The following PPIL1 variants were observed in gnomAD, a reference collection of about 807,000 sequenced individuals.
PPIL1 encodes the protein peptidyl-prolyl cis-trans isomerase-like 1.
A neutral mutation model predicts 19.4 loss-of-function variants in PPIL1; 14 were observed. The observed-to-expected ratio is 0.72, with a 90% CI of 0.48 to 1.13. The LOEUF is 1.13. Among genes scored for constraint, PPIL1 ranks in the 50% most tolerant of loss-of-function variants. The pLI, the probability that PPIL1 is intolerant of heterozygous loss-of-function variation, is 0.00. For synonymous variants in PPIL1, 72 were observed against 73.6 expected (o/e 0.98, Z 0.11); for missense variants, 192 against 218.0 (o/e 0.88, Z 0.75).
At chr6:36,860,943 C>A (rs1774275921) in intron 2 of PPIL1, among the ~76,000 whole-genome samples, 1 of 152,104 alleles carries the variant, frequency 6.6e-6, no homozygotes, top group Admixed American at 6.5e-5. Flanking sequence ...TTGTTCCAGG[C>A]AGGTCTCTGT....
At chr6:36,856,479 T>C in intron 3 of PPIL1, 107 bp downstream of exon 3, 1 of 1,010,932 alleles carries the variant, frequency 9.9e-7, no homozygotes, top group Non-Finnish European at 1.5e-6. Context: ...GCTGGGCAGC[T>C]ATCTGGCACC....
intron 2 of PPIL1, among the ~76,000 whole-genome samples, chr6:36,866,790 G>C (rs780632223): frequency 8.5e-5 from 13 of 152,112 alleles, no homozygotes; most frequent in Non-Finnish European, 1.9e-4. Context: ...TCGAAGTACC[G>C]ACGGAACCCT....
At chr6:36,867,000 A>G (rs1774407770) in intron 2 of PPIL1, among the ~76,000 whole-genome samples, 1 of 152,242 alleles carries the variant, frequency 6.6e-6, no homozygotes, top group South Asian at 2.1e-4. Flanking sequence ...AATGGCTTGC[A>G]AAAAGCATGC....
In PPIL1 at chr6:36,856,771, A is replaced by C. The variant is rs1224689225; in HGVS notation, c.212-117T>G. The stretch of plus-strand genomic sequence containing the variant: ...GTAGAGGAAAGGAAAAGGCAGTGAC[A>C]CCTACCCCACTGCTAGGTATATTGC... On this transcript the variant is annotated intron_variant, in intron 2 of 3. Transcript: ENST00000373699. The C allele has an allele frequency of 6.3e-5, 51 of 804,212 alleles. No homozygotes were observed. In the East Asian group the frequency reaches 1.3e-3, roughly 20 times the overall value. The allele number at this position is 804,212 out of a possible 1,614,324, so 49.8% of individuals were successfully genotyped here.
chr6:36,867,262 C>T (rs1414113292), intron 2 of PPIL1, among the ~76,000 whole-genome samples: 1 of 152,110 alleles, frequency 6.6e-6, no homozygotes, highest in Non-Finnish European at 1.5e-5. Flanking sequence ...TCAGTTATTG[C>T]TATCAGGCAC....
chr6:36,871,936 G>C, intron 1 of PPIL1, 64 bp from the exon 2 acceptor site: 3 of 1,403,712 alleles, frequency 2.1e-6, no homozygotes, highest in Non-Finnish European at 2.8e-6. Context: ...GAGTATTATG[G>C]AACTGCTCCA....
At position 36,863,872 on chromosome 6, in the gene PPIL1, T is replaced by C. The variant is rs150294697; in HGVS notation, c.212-7218A>G. 3.4e-3 allele frequency among the ~76,000 whole-genome samples: 512 copies of C among 151,718 alleles called. 1 individual carries two copies. The highest frequency in any genetic ancestry group is 0.012 in the African/African-American group (476 of 41,338). ...TCCTTTGGCTTCCACGACTCCACAT[T>C]CTCCTGGTGTTCCTCGCTGCTCACT... On this transcript the variant is annotated intron_variant, in intron 2 of 3. Transcript: ENST00000373699.
At chr6:36,866,876 G>C (rs560726845) in intron 2 of PPIL1, among the ~76,000 whole-genome samples, 1 of 152,168 alleles carries the variant, frequency 6.6e-6, no homozygotes, top group African/African-American at 2.4e-5. Context: ...TGACTCCAAT[G>C]GGGATGGCAT....
At chr6:36,874,585 G>C (rs1317491106) in intron 1 of PPIL1, 132 bp downstream of exon 1, 7 of 1,257,362 alleles carry the variant, frequency 5.6e-6, no homozygotes, top group Non-Finnish European at 7.9e-6. Context: ...TCTGGGGGCC[G>C]TCTCGGCCGC....
At chr6:36,861,517 T>C (rs1388629564) in intron 2 of PPIL1, among the ~76,000 whole-genome samples, 1 of 152,138 alleles carries the variant, frequency 6.6e-6, no homozygotes, top group Non-Finnish European at 1.5e-5. Flanking sequence ...TTCAAACCCA[T>C]GTTGGTAAAG....
chr6:36,868,033 G>T lies in PPIL1; in HGVS notation c.211+3685C>A, dbSNP rs148428296. On this transcript the variant is annotated intron_variant, in intron 2 of 3. Coordinates refer to ENST00000373699, the MANE Select transcript of PPIL1 (RefSeq NM_016059.5). The stretch of plus-strand genomic sequence containing the variant: ...CAACCAACAGAAGGACAGAAAGGAG[G>T]AGGGGAGAAAGGAAAAGAAAACCCA... Among the ~76,000 whole-genome samples the T allele has an allele frequency of 8.5e-5, 13 of 152,210 alleles. No homozygotes were observed. In the South Asian group the frequency reaches 2.5e-3, roughly 29 times the overall value.
chr6:36,856,682 T>C (rs1462712217), intron 2 of PPIL1, 28 bp from the exon 3 acceptor site: 1 of 1,600,298 alleles, frequency 6.2e-7, no homozygotes, highest in Non-Finnish European at 8.6e-7. Context: ...GACACATGAA[T>C]CAGCCAGTCA....
intron 1 of PPIL1, among the ~76,000 whole-genome samples, chr6:36,874,327 A>G (rs1237934954): frequency 6.6e-6 from 1 of 152,214 alleles, no homozygotes; most frequent in Non-Finnish European, 1.5e-5. Flanking sequence ...CGTAATGTTT[A>G]CATGTCTGTC....
At chr6:36,873,828 A>C (rs1774573842) in intron 1 of PPIL1, among the ~76,000 whole-genome samples, 1 of 152,196 alleles carries the variant, frequency 6.6e-6, no homozygotes, top group Non-Finnish European at 1.5e-5. Flanking sequence ...TGAGGGGAGA[A>C]TGGCAGGTAG....
At chr6:36,859,811 T>TTGTGTGTGTGTG (rs71880744) in intron 2 of PPIL1, among the ~76,000 whole-genome samples, 1,941 of 144,964 alleles carry the variant, frequency 0.013, 22 homozygotes, top group Middle Eastern at 0.049. Context: ...CTGTTTTCTA[T>TTGTGTGTGTGTG]TGTGTGTGTG....
rs191261877 is a variant in PPIL1 at position 36,866,812 on chromosome 6, A to C, written c.211+4906T>G. 1.7e-3 allele frequency among the ~76,000 whole-genome samples: 264 copies of C among 152,336 alleles called. 5 individuals are homozygous for C. Among genetic ancestry groups the C allele is most frequent in the Admixed American group, 0.017 (261 of 15,292 alleles). On this transcript the variant is annotated intron_variant, in intron 2 of 3. Transcript: ENST00000373699. The stretch of plus-strand genomic sequence containing the variant: ...ACCGACGGAACCCTTTCAGACAAAG[A>C]AAGTAGAATGAAGCAGGACTAGACT...
At chr6:36,866,574 A>C (rs1001486577) in intron 2 of PPIL1, among the ~76,000 whole-genome samples, 53 of 152,126 alleles carry the variant, frequency 3.5e-4, no homozygotes, top group African/African-American at 1.3e-3. Flanking sequence ...AATTTCATTA[A>C]AATTACACCA....
intron 2 of PPIL1, among the ~76,000 whole-genome samples, chr6:36,858,139 CAGG>C (rs1338680094): frequency 7.0e-6 from 1 of 143,662 alleles, no homozygotes; most frequent in Non-Finnish European, 1.5e-5. Flanking sequence ...GAGGCTGAGG[CAGG>C]AGAATTGCTT....
At chr6:36,866,827 A>G (rs1297637885) in intron 2 of PPIL1, among the ~76,000 whole-genome samples, 1 of 152,210 alleles carries the variant, frequency 6.6e-6, no homozygotes, top group Non-Finnish European at 1.5e-5. Flanking sequence ...AGAATGAAGC[A>G]GGACTAGACT....
Sources: gnomAD v4.1 joint callset for allele counts (sites outside exome capture counted in the v4.1 genomes callset) on GRCh38, gnomAD v4.1.1 for gene constraint, MANE v1.5 for transcripts, NCBI Gene and HGNC (gene_info 2026-07-23, HGNC 2026-07-21) for gene names.